The following SSR1 variants were observed in gnomAD, a reference collection of about 807,000 sequenced individuals.
SSR1 encodes translocon-associated protein subunit alpha.
SSR1 carries 13 observed loss-of-function variants against 36.1 expected under a neutral mutation model. That is an observed-to-expected ratio of 0.36 (90% CI 0.23 to 0.57). SSR1 has a LOEUF of 0.57. SSR1 is among the 20% of genes least tolerant of loss of function. The pLI is 0.81. For missense variants in SSR1, 291 were observed against 338.5 expected, an observed-to-expected ratio of 0.86 and a Z score of 1.10; for synonymous variants, 113 against 118.9, an observed-to-expected ratio of 0.95 and a Z score of 0.32.
At chr6:7,299,421 G>A (rs962528306) in intron 4 of SSR1, among the ~76,000 whole-genome samples, 22 of 152,148 alleles carry the variant, frequency 1.4e-4, no homozygotes, top group Non-Finnish European at 2.4e-4. Context: ...CAGTGGTGCC[G>A]GGTGCGGTGG....
At chr6:7,306,457 AAGTT>A (rs1451319125) in intron 2 of SSR1, among the ~76,000 whole-genome samples, 4 of 151,822 alleles carry the variant, frequency 2.6e-5, no homozygotes, top group Admixed American at 6.6e-5. Flanking sequence ...AATTTTTTTT[AAGTT>A]AGTTAGTGTT....
At chr6:7,310,841 G>A (rs1581639439) in intron 1 of SSR1, among the ~76,000 whole-genome samples, 1 of 152,294 alleles carries the variant, frequency 6.6e-6, no homozygotes, top group East Asian at 1.9e-4. Context: ...AACCCAGGAG[G>A]CAGAAGTTGC....
intron 2 of SSR1, among the ~76,000 whole-genome samples, chr6:7,309,698 TCTC>T (rs1328621068): frequency 6.6e-6 from 1 of 152,216 alleles, no homozygotes; most frequent in Non-Finnish European, 1.5e-5. Flanking sequence ...GCTCTGCACT[TCTC>T]CTTGCTGTCA....
rs1757527218 is a variant in SSR1 at position 7,285,385 on chromosome 6, T to C, written c.*4479A>G. 6.6e-6 allele frequency: 1 copy of C among 152,216 alleles called. No individual in the cohort carries two copies. The highest frequency in any genetic ancestry group is 1.5e-5 in the Non-Finnish European group (1 of 68,064). The allele number at this position is 152,216 out of a possible 1,614,324, so 9.4% of individuals were successfully genotyped here. ...AATACAACACACCAGACAGAAGCCT[T>C]ACCCTGTGAGCCGGGCGCAGTGGCT... On this transcript the variant is annotated 3_prime_UTR_variant, in exon 8 of 8. Transcript: ENST00000244763. The surrounding 1 kb of genome is among the most constrained non-coding windows in gnomAD (Gnocchi z 4.1).
At chr6:7,308,675 T>G (rs1289548740) in intron 2 of SSR1, among the ~76,000 whole-genome samples, 1 of 152,152 alleles carries the variant, frequency 6.6e-6, no homozygotes, top group Non-Finnish European at 1.5e-5. Flanking sequence ...CCCTTATTCT[T>G]CACCAGATAT....
At chr6:7,312,906 G>T in intron 1 of SSR1, 136 bp downstream of exon 1, 1 of 850,584 alleles carries the variant, frequency 1.2e-6, no homozygotes, top group Non-Finnish European at 1.9e-6. Context: ...GCCTAGGCTT[G>T]GGGAGAGGGC....
At chr6:7,310,271 G>C (rs1758161538) in intron 1 of SSR1, among the ~76,000 whole-genome samples, 1 of 145,790 alleles carries the variant, frequency 6.9e-6, no homozygotes, top group African/African-American at 2.6e-5. Context: ...CTGATGCCTA[G>C]GTTGGGAGTA....
At chr6:7,296,694 G>A (rs1401760690) in intron 6 of SSR1, among the ~76,000 whole-genome samples, 2 of 151,442 alleles carry the variant, frequency 1.3e-5, no homozygotes, top group Non-Finnish European at 2.9e-5. Flanking sequence ...GGAGGAGGGT[G>A]AGTGAGGGAA....
At chr6:7,296,882 A>T (rs1757808479) in intron 6 of SSR1, 1 of 153,554 alleles carries the variant, frequency 6.5e-6, no homozygotes, top group African/African-American at 2.4e-5. Context: ...TCTTTTTCCA[A>T]TGAAAGGACT....
At position 7,287,777 on chromosome 6, in the gene SSR1, A is replaced by C. The variant is rs1757587547; in HGVS notation, c.*2087T>G. The C allele has an allele frequency of 6.5e-6, 1 of 152,690 alleles. No individual in the cohort carries two copies. The highest frequency in any genetic ancestry group is 2.4e-5 in the African/African-American group (1 of 41,468). The allele number at this position is 152,690 out of a possible 1,614,324, so 9.5% of individuals were successfully genotyped here. On this transcript the variant is annotated 3_prime_UTR_variant, in exon 8 of 8. Transcript: ENST00000244763. Reference sequence around the variant, plus strand: ...CATTTTAAAAAGACATTTAAAAAATAGGCTACTTATTAAGTGTGCTTGAAC... The same window carrying C: ...CATTTTAAAAAGACATTTAAAAAATCGGCTACTTATTAAGTGTGCTTGAAC...
At chr6:7,311,278 A>T (rs1391476846) in intron 1 of SSR1, among the ~76,000 whole-genome samples, 3 of 145,746 alleles carry the variant, frequency 2.1e-5, no homozygotes, top group Non-Finnish European at 4.5e-5. Context: ...CATTATATCT[A>T]TTTCAGGCAA....
chr6:7,297,216 CAAAAAA>C (rs55729286), intron 6 of SSR1: 5 of 73,420 alleles, frequency 6.8e-5, no homozygotes, highest in South Asian at 4.6e-4. Context: ...CAGACTGTCT[CAAAAAA>C]AAAAAAAAAA....
intron 2 of SSR1, among the ~76,000 whole-genome samples, chr6:7,308,652 A>T (rs565863630): frequency 1.3e-5 from 2 of 152,276 alleles, no homozygotes; most frequent in East Asian, 3.9e-4. Flanking sequence ...CTTTTAAGAG[A>T]TCTTCTCTAA....
intron 2 of SSR1, among the ~76,000 whole-genome samples, chr6:7,305,772 T>C (rs1404695499): frequency 6.6e-6 from 1 of 152,090 alleles, no homozygotes; most frequent in Non-Finnish European, 1.5e-5. Flanking sequence ...GAGTTCATGC[T>C]TGATGGCCTT....
At chr6:7,293,719 T>C (rs1021688863) in intron 7 of SSR1, among the ~76,000 whole-genome samples, 8 of 152,176 alleles carry the variant, frequency 5.3e-5, no homozygotes, top group African/African-American at 9.7e-5. Flanking sequence ...TGGCCAAATA[T>C]TGTATTTTTT....
chr6:7,310,002 G>A lies in SSR1; in HGVS notation c.107C>T (p.Thr36Ile), dbSNP rs1758154078. The A allele has an allele frequency of 5.0e-6, 8 of 1,613,550 alleles. No individual in the cohort carries two copies. The highest frequency in any genetic ancestry group is 6.8e-6 in the Non-Finnish European group (8 of 1,179,820). Reference sequence around the variant, plus strand: ...ATCTTCTACTGTTTCTTCATCCTCTGTAAGATCTTGTGCCACTGCTAACAA... The same window carrying A: ...ATCTTCTACTGTTTCTTCATCCTCTATAAGATCTTGTGCCACTGCTAACAA... ...RGLLAVAQDLTEDEETVEDSI... is the reference protein window; with the variant it reads ...RGLLAVAQDLIEDEETVEDSI... Residue 36 changes from threonine (T) to isoleucine (I), a missense_variant, in exon 2 of 8, where the codon ACA becomes ATA. By Grantham distance (89) the Thr-to-Ile change is moderately conservative. Coordinates refer to ENST00000244763, the MANE Select transcript of SSR1 (RefSeq NM_003144.5).
chr6:7,295,067 T>TA (rs35998405), intron 7 of SSR1: 1 of 1,505,086 alleles, frequency 6.6e-7, no homozygotes, highest in Admixed American at 2.4e-5. Flanking sequence ...CAAAAACCAT[T>TA]AAAAAAATTA....
At position 7,286,972 on chromosome 6, in the gene SSR1, G is replaced by T. The variant is rs1405999541; in HGVS notation, c.*2892C>A. 1 of 143,444 alleles carries T rather than the reference G, an allele frequency of 7.0e-6. No individual in the cohort carries two copies. Among genetic ancestry groups the T allele is most frequent in the African/African-American group, 2.5e-5 (1 of 39,230 alleles). The allele number at this position is 143,444 out of a possible 1,614,324, so 8.9% of individuals were successfully genotyped here. A position where few individuals can be genotyped will look rare whatever the true frequency, so the allele number is the denominator to read the frequency against. On this transcript the variant is annotated 3_prime_UTR_variant, in exon 8 of 8. Coordinates refer to ENST00000244763, the MANE Select transcript of SSR1 (RefSeq NM_003144.5). ...GAAGTACTTAAGTACATCTGAAAAT[G>T]TTTTTAAATTTAAACATCTAATTTA...
chr6:7,312,950 G>A (rs1758240794), intron 1 of SSR1, 92 bp downstream of exon 1: 1 of 1,301,336 alleles, frequency 7.7e-7, no homozygotes, highest in Admixed American at 2.0e-5. Context: ...GCGGACCCCA[G>A]GACCCGGAGC....
Sources: allele counts gnomAD v4.1 joint callset (sites outside exome capture counted in the v4.1 genomes callset), GRCh38; gene constraint gnomAD v4.1.1; non-coding constraint Gnocchi (gnomAD v3.1); transcripts MANE v1.5; gene names NCBI Gene and HGNC (gene_info 2026-07-23, HGNC 2026-07-21).